The following AGBL4 variants were observed in gnomAD, a reference collection of about 807,000 sequenced individuals.
The protein encoded by AGBL4 is AGBL carboxypeptidase 4, also known as cytosolic carboxypeptidase 6.
AGBL4 carries 58 observed loss-of-function variants against 66.4 expected under a neutral mutation model. That is an observed-to-expected ratio of 0.87 (90% confidence interval 0.71 to 1.09). The LOEUF (loss-of-function observed/expected upper bound fraction) is 1.09. AGBL4 is among the 50% of genes least tolerant of loss of function. AGBL4 has a pLI of 0.00. For missense variants in AGBL4, 579 were observed against 631.0 expected (o/e 0.92, Z 0.88); for synonymous variants, 234 against 222.9 (o/e 1.05, Z -0.44).
chr1:49,849,066 C>T (rs1646234008), intron 2 of AGBL4, among the ~76,000 whole-genome samples: 1 of 152,058 alleles, frequency 6.6e-6, no homozygotes, highest in South Asian at 2.1e-4. Flanking sequence ...ATTCAAACTC[C>T]CAGCATAAAC....
intron 7 of AGBL4, among the ~76,000 whole-genome samples, chr1:48,659,421 G>T (rs762573195): frequency 1.3e-5 from 2 of 152,158 alleles, no homozygotes; most frequent in East Asian, 3.9e-4. Context: ...GCATGGCATG[G>T]CTCCCCACAG....
rs374755482 is a variant in AGBL4 at position 49,622,170 on chromosome 1, G to A, written c.282+75143C>T. Among the ~76,000 whole-genome samples, 52 of 152,278 alleles carry A rather than the reference G, an allele frequency of 3.4e-4. 1 individual carries two copies. In the South Asian group the frequency reaches 9.5e-3, roughly 28 times the overall value. The stretch of plus-strand genomic sequence containing the variant: ...CCTCTGGTAGCTATGTGATTTTTAA[G>A]CATTCTTAACCTACCACTCCACAGT... On this transcript the variant is annotated intron_variant, in intron 3 of 13. Coordinates refer to ENST00000371839, the MANE Select transcript of AGBL4 (RefSeq NM_032785.4).
intron 1 of AGBL4, among the ~76,000 whole-genome samples, chr1:50,007,689 C>T (rs1490598755): frequency 2.0e-5 from 3 of 152,126 alleles, no homozygotes; most frequent in Non-Finnish European, 4.4e-5. Context: ...ATTGCTTGAA[C>T]CCAGGATGTC....
intron 5 of AGBL4, among the ~76,000 whole-genome samples, chr1:48,944,210 G>A (rs1305367075): frequency 6.6e-6 from 1 of 152,150 alleles, no homozygotes; most frequent in Non-Finnish European, 1.5e-5. Context: ...GGACCACAGA[G>A]GAGACAGAGG....
At chr1:49,732,923 T>C (rs1390338735) in intron 2 of AGBL4, among the ~76,000 whole-genome samples, 2 of 151,852 alleles carry the variant, frequency 1.3e-5, no homozygotes, top group East Asian at 1.9e-4. Context: ...ATAAACTTCA[T>C]ATAACACAAA....
At chr1:48,622,475 ATTTTTTTT>A (rs35455455) in intron 9 of AGBL4, among the ~76,000 whole-genome samples, 1 of 71,832 alleles carries the variant, frequency 1.4e-5, no homozygotes, top group Non-Finnish European at 2.7e-5. Flanking sequence ...ATTCAAATAC[ATTTTTTTT>A]TTTTTTTTTT....
In AGBL4 at chr1:49,982,062, C is replaced by T. The variant is rs28695358; in HGVS notation, c.34+41701G>A. Among the ~76,000 whole-genome samples the T allele has an allele frequency of 4.5e-3, 692 of 152,282 alleles. 6 individuals are homozygous for T. The highest frequency in any genetic ancestry group is 0.016 in the African/African-American group (660 of 41,552). Reference sequence around the variant, plus strand: ...CTAAAGTACTGTTTTGTGTCCACTACGGGTATTTCTTAATGTGAGAATTTT... The same window carrying T: ...CTAAAGTACTGTTTTGTGTCCACTATGGGTATTTCTTAATGTGAGAATTTT... On this transcript the variant is annotated intron_variant, in intron 1 of 13. Transcript: ENST00000371839.
At chr1:48,547,949 T>A (rs1569729270) in intron 11 of AGBL4, among the ~76,000 whole-genome samples, 1 of 152,194 alleles carries the variant, frequency 6.6e-6, no homozygotes, top group Non-Finnish European at 1.5e-5. Context: ...TCAGTTAACA[T>A]GGTACATTGA....
intron 5 of AGBL4, among the ~76,000 whole-genome samples, chr1:49,018,367 TG>T (rs1557564979): frequency 6.6e-6 from 1 of 152,110 alleles, no homozygotes; most frequent in Non-Finnish European, 1.5e-5. Context: ...ATACCTTTCT[TG>T]GAATTCAAGG....
chr1:49,185,783 C>G (rs183852348), intron 4 of AGBL4, among the ~76,000 whole-genome samples: 1 of 152,220 alleles, frequency 6.6e-6, no homozygotes. Context: ...CTTTTCTTCC[C>G]AGAACTGGTG....
chr1:49,131,934 A>G (rs1190495293), intron 4 of AGBL4, among the ~76,000 whole-genome samples: 1 of 152,104 alleles, frequency 6.6e-6, no homozygotes, highest in Non-Finnish European at 1.5e-5. Context: ...GAACTGGAAA[A>G]TGGTAATATA....
At chr1:48,694,176 C>T (rs564758993) in intron 6 of AGBL4, among the ~76,000 whole-genome samples, 1 of 151,980 alleles carries the variant, frequency 6.6e-6, no homozygotes, top group South Asian at 2.1e-4. Flanking sequence ...AGTCCTGGTG[C>T]ACAAACGAGC....
intron 4 of AGBL4, among the ~76,000 whole-genome samples, chr1:49,203,022 C>T (rs1647837560): frequency 6.7e-6 from 1 of 148,686 alleles, no homozygotes; most frequent in Admixed American, 6.7e-5. Context: ...CATCACTAAT[C>T]ATCAGAAAAA....
At chr1:49,186,390 A>G (rs1334483853) in intron 4 of AGBL4, among the ~76,000 whole-genome samples, 2 of 152,206 alleles carry the variant, frequency 1.3e-5, no homozygotes, top group Non-Finnish European at 2.9e-5. Flanking sequence ...TAGTAGTCAT[A>G]CTTCCATACT....
At chr1:48,666,566 C>T (rs550851024) in intron 6 of AGBL4, among the ~76,000 whole-genome samples, 2 of 152,160 alleles carry the variant, frequency 1.3e-5, no homozygotes, top group African/African-American at 4.8e-5. Context: ...GTCACTATAA[C>T]CCTCTATCAT....
At chr1:49,152,610 G>C (rs1214842952) in intron 4 of AGBL4, among the ~76,000 whole-genome samples, 1 of 152,168 alleles carries the variant, frequency 6.6e-6, no homozygotes, top group African/African-American at 2.4e-5. Context: ...CCTTAGAAGA[G>C]GTATTTAGCA....
intron 3 of AGBL4, among the ~76,000 whole-genome samples, chr1:49,472,920 T>C (rs1256413387): frequency 2.6e-5 from 4 of 152,044 alleles, no homozygotes; most frequent in African/African-American, 9.7e-5. Context: ...ACATATGGTA[T>C]TTGGTTTTCT....
intron 1 of AGBL4, among the ~76,000 whole-genome samples, chr1:49,895,472 A>C (rs772821681): frequency 6.6e-6 from 1 of 152,082 alleles, no homozygotes; most frequent in Non-Finnish European, 1.5e-5. Flanking sequence ...ACCAATCAAA[A>C]ATAAATATAA....
intron 3 of AGBL4, among the ~76,000 whole-genome samples, chr1:49,524,379 C>G (rs1415480185): frequency 6.6e-6 from 1 of 152,006 alleles, no homozygotes; most frequent in African/African-American, 2.4e-5. Flanking sequence ...TGGATCTGAA[C>G]AAAAGTAGTC....
Sources: gnomAD v4.1 joint callset for allele counts (sites outside exome capture counted in the v4.1 genomes callset) on GRCh38, gnomAD v4.1.1 for gene constraint, MANE v1.5 for transcripts, NCBI Gene and HGNC (gene_info 2026-07-23, HGNC 2026-07-21) for gene names.